PCDH15: variants seen among roughly 807,000 people sequenced by gnomAD.
PCDH15 encodes the protein protocadherin related 15, also known as protocadherin-15.
PCDH15 carries 129 observed loss-of-function variants against 178.5 expected under a neutral mutation model. The observed-to-expected ratio is 0.72, with a 90% CI of 0.63 to 0.84. PCDH15 has a LOEUF of 0.84. PCDH15 is among the 40% of genes least tolerant of loss of function. The pLI, the probability that PCDH15 is intolerant of heterozygous loss-of-function variation, is 0.00. For missense variants in PCDH15, 2,230 were observed against 2,099.9 expected (o/e 1.06, Z -1.21); for synonymous variants, 800 against 732.0 (o/e 1.09, Z -1.50).
chr10:55,369,599 A>C (rs1410103547), intron 2 of PCDH15, among the ~76,000 whole-genome samples: 3 of 152,110 alleles, frequency 2.0e-5, no homozygotes, highest in African/African-American at 7.2e-5. Context: ...AAAATGCAAC[A>C]GAATATCCTA....
intron 1 of PCDH15, among the ~76,000 whole-genome samples, chr10:55,259,232 T>C (rs1022858653): frequency 6.6e-6 from 1 of 152,188 alleles, no homozygotes; most frequent in Non-Finnish European, 1.5e-5. Flanking sequence ...GGTCTAGTAG[T>C]ATTTGAAAAA....
chr10:55,192,300 T>C (rs1437306258), intron 1 of PCDH15, among the ~76,000 whole-genome samples: 1 of 151,942 alleles, frequency 6.6e-6, no homozygotes, highest in African/African-American at 2.4e-5. Flanking sequence ...GCTTATGTTA[T>C]GAGACTATTT....
chr10:54,920,574 C>T lies in PCDH15; in HGVS notation c.-79-23074G>A, dbSNP rs1197743428. Reference sequence around the variant, plus strand: ...CTAAGAAGCATTTTATACAAATTAGCATGAGCCTTAGTCTTCTCAAAGTAA... The same window carrying T: ...CTAAGAAGCATTTTATACAAATTAGTATGAGCCTTAGTCTTCTCAAAGTAA... On this transcript the variant is annotated intron_variant, in intron 2 of 5. Transcript: ENST00000458638. 2.7e-5 allele frequency among the ~76,000 whole-genome samples: 4 copies of T among 150,606 alleles called. No homozygotes were observed. In the South Asian group the frequency reaches 8.4e-4, roughly 32 times the overall value.
chr10:55,334,085 C>T (rs2132313404), intron 2 of PCDH15, among the ~76,000 whole-genome samples: 1 of 150,654 alleles, frequency 6.6e-6, no homozygotes, highest in East Asian at 1.9e-4. Context: ...ATACTTCTAG[C>T]ACGCCACTTC....
chr10:54,520,318 ACAAAGGGCTAATATC>A (rs1279410623), intron 3 of PCDH15, among the ~76,000 whole-genome samples: 1 of 152,174 alleles, frequency 6.6e-6, no homozygotes, highest in Non-Finnish European at 1.5e-5. Context: ...TACTCATCTG[ACAAAGGGCTAATATC>A]CAGAATCTAC....
At chr10:53,890,426 C>CA (rs1053753809) in intron 26 of PCDH15, among the ~76,000 whole-genome samples, 2 of 151,476 alleles carry the variant, frequency 1.3e-5, no homozygotes, top group African/African-American at 2.4e-5. Flanking sequence ...GACACTGTCT[C>CA]AAAAAAAAGA....
At chr10:54,435,028 T>G (rs1231636489) in intron 3 of PCDH15, among the ~76,000 whole-genome samples, 1 of 148,080 alleles carries the variant, frequency 6.8e-6, no homozygotes, top group East Asian at 1.9e-4. Flanking sequence ...TATGTATTTA[T>G]TTACTTCTCT....
chr10:53,863,844 A>T (rs1420410812), intron 27 of PCDH15, among the ~76,000 whole-genome samples: 1 of 152,200 alleles, frequency 6.6e-6, no homozygotes, highest in African/African-American at 2.4e-5. Flanking sequence ...AACAGAATTC[A>T]TCTAAAGGAG....
At chr10:55,108,735 A>C (rs1227138979) in intron 2 of PCDH15, among the ~76,000 whole-genome samples, 18 of 152,040 alleles carry the variant, frequency 1.2e-4, no homozygotes, top group Admixed American at 9.8e-4. Flanking sequence ...AATTTTAGGT[A>C]GGGAGAAATC....
intron 3 of PCDH15, among the ~76,000 whole-genome samples, chr10:54,854,056 A>G (rs965946958): frequency 6.6e-6 from 1 of 152,174 alleles, no homozygotes; most frequent in African/African-American, 2.4e-5. Context: ...GGGGTGTGTG[A>G]GCAAGCATGG....
intron 2 of PCDH15, among the ~76,000 whole-genome samples, chr10:55,151,312 T>G (rs1838704933): frequency 6.6e-6 from 1 of 152,092 alleles, no homozygotes; most frequent in Non-Finnish European, 1.5e-5. Context: ...ACTAATTTTT[T>G]CTTCAAAAAC....
rs146499879 is a variant in PCDH15 at position 55,112,385 on chromosome 10, C to A, written c.-80+54191G>T. ...CTTAGTACCCATAAGAGGGCCCTCA[C>A]TGAGACAGGAGAATTGGGAAAGCGA... On this transcript the variant is annotated intron_variant, in intron 2 of 5. Transcript: ENST00000458638. 8.2e-3 allele frequency among the ~76,000 whole-genome samples: 1,243 copies of A among 152,056 alleles called. 15 individuals are homozygous for A. Among genetic ancestry groups the A allele is most frequent in the African/African-American group, 0.027 (1,121 of 41,466 alleles).
chr10:55,298,761 G>T (rs1843198766), intron 1 of PCDH15, among the ~76,000 whole-genome samples: 1 of 151,938 alleles, frequency 6.6e-6, no homozygotes, highest in South Asian at 2.1e-4. Flanking sequence ...TTTCTTTTTA[G>T]TAGAGACGGT....
At chr10:54,490,492 A>G (rs1238280931) in intron 3 of PCDH15, among the ~76,000 whole-genome samples, 1 of 150,402 alleles carries the variant, frequency 6.6e-6, no homozygotes, top group Non-Finnish European at 1.5e-5. Context: ...AAATAAATAA[A>G]TAATGTCTCA....
intron 3 of PCDH15, among the ~76,000 whole-genome samples, chr10:54,872,002 C>T (rs1207571250): frequency 1.3e-5 from 2 of 151,966 alleles, no homozygotes; most frequent in African/African-American, 4.8e-5. Flanking sequence ...TCAGGCATAA[C>T]TATTAAAAAT....
intron 1 of PCDH15, among the ~76,000 whole-genome samples, chr10:55,190,212 G>T (rs1477805078): frequency 6.6e-6 from 1 of 151,558 alleles, no homozygotes; most frequent in African/African-American, 2.4e-5. Flanking sequence ...TTATGGCAAT[G>T]ACAGTCAGAA....
rs543823236 is a variant in PCDH15 at position 54,515,704 on chromosome 10, G to A, written c.157+12108C>T. On this transcript the variant is annotated intron_variant, in intron 3 of 37. Transcript: ENST00000644397. ...CTCCTTAAGTGGGTCCCTGACCTGC[G>A]AGCAGCCTAACTGGGAGGCATCCCC... Among the ~76,000 whole-genome samples the A allele has an allele frequency of 1.2e-4, 18 of 152,306 alleles. No individual in the cohort carries two copies. In the South Asian group the frequency reaches 1.2e-3, roughly 11 times the overall value.
chr10:54,855,167 C>A (rs976954044), intron 3 of PCDH15, among the ~76,000 whole-genome samples: 1 of 152,208 alleles, frequency 6.6e-6, no homozygotes, highest in Non-Finnish European at 1.5e-5. Context: ...GCAGTGGTAG[C>A]AGGCATTTTC....
At position 55,371,524 on chromosome 10, in the gene PCDH15, T is replaced by A. The variant is rs2131990019; in HGVS notation, c.-155-204873A>T. Among the ~76,000 whole-genome samples the A allele has an allele frequency of 2.0e-5, 3 of 152,212 alleles. No individual in the cohort carries two copies. The South Asian group carries it at 6.2e-4, about 32-fold the overall frequency. On this transcript the variant is annotated intron_variant, in intron 2 of 5. Transcript: ENST00000613346. ...AGTTGATTGGATCATGGGGGCCGAA[T>A]TTCTCACCTTGCTGTTCTTGTGATA...
Sources: allele counts gnomAD v4.1 joint callset (sites outside exome capture counted in the v4.1 genomes callset), GRCh38; gene constraint gnomAD v4.1.1; transcripts MANE v1.5; gene names NCBI Gene and HGNC (gene_info 2026-07-23, HGNC 2026-07-21).